Variants in ATF7IP observed in about 807,000 individuals in gnomAD.
The protein encoded by ATF7IP is activating transcription factor 7 interacting protein.
Under a neutral mutation model 106.4 loss-of-function variants are expected in ATF7IP, and 23 were observed. That is an observed-to-expected ratio of 0.22 (90% CI 0.16 to 0.31). The LOEUF (loss-of-function observed/expected upper bound fraction) is 0.31. Among genes scored for constraint, ATF7IP ranks in the 10% least tolerant of loss-of-function variants. ATF7IP has a pLI of 1.00. For synonymous variants in ATF7IP, 542 were observed against 539.0 expected (o/e 1.01, Z -0.08); for missense variants, 1,334 against 1,524.3 (o/e 0.88, Z 2.08).
Position 14,460,898 on chromosome 12 carries a change from T to G in ATF7IP, c.2562T>G (p.Ser854Arg), listed in dbSNP as rs775317636. The G allele has an allele frequency of 6.8e-6, 11 of 1,614,056 alleles. No individual in the cohort carries two copies. The highest frequency in any genetic ancestry group is 9.3e-6 in the Non-Finnish European group (11 of 1,180,040). ...ACGTTCCTTCTGTGCCCAGTCCTAG[T>G]ATTCAAAGGAACCCTACTGCCAGTG... Reference protein sequence around the residue: ...PNNVPSVPSPSIQRNPTASAA... With the variant: ...PNNVPSVPSPRIQRNPTASAA... The change falls in exon 9 of 15, where the codon AGT becomes AGG. Residue 854 changes from serine to arginine, a missense_variant. Around this residue, in one of 10 missense-constraint regions of ATF7IP, gnomAD observed 370 missense variants for 401.2 expected, o/e 0.92. Coordinates refer to ENST00000261168, the MANE Select transcript of ATF7IP (RefSeq NM_018179.5).
intron 1 of ATF7IP, among the ~76,000 whole-genome samples, chr12:14,370,571 A>C (rs1938491227): frequency 6.6e-6 from 1 of 152,150 alleles, no homozygotes; most frequent in African/African-American, 2.4e-5. Context: ...TTAAATTTAC[A>C]TTGGGTGAAT....
intron 10 of ATF7IP, among the ~76,000 whole-genome samples, chr12:14,473,479 T>C (rs1241603783): frequency 1.3e-5 from 2 of 152,184 alleles, no homozygotes; most frequent in Admixed American, 6.5e-5. Flanking sequence ...TGTTTGCACA[T>C]ATATTACATT....
rs377417628 is a variant in ATF7IP at position 14,475,709 on chromosome 12, A to G, written c.2863-181A>G. Among the ~76,000 whole-genome samples the G allele has an allele frequency of 1.3e-5, 2 of 152,212 alleles. 1 individual carries two copies. Among genetic ancestry groups the G allele is most frequent in the Admixed American group, 1.3e-4 (2 of 15,278 alleles). ...ATTATATTTCATATAGTAGATGTTT[A>G]ACACATGAGTATCCTGGGACATTTG... On this transcript the variant is annotated intron_variant, in intron 10 of 14. Transcript: ENST00000261168.
At chr12:14,404,781 A>C (rs1940465131) in intron 1 of ATF7IP, among the ~76,000 whole-genome samples, 1 of 152,198 alleles carries the variant, frequency 6.6e-6, no homozygotes, top group Non-Finnish European at 1.5e-5. Flanking sequence ...TGAGAGCAGA[A>C]GACCATGGGT....
At chr12:14,402,206 C>T (rs1940277163) in intron 1 of ATF7IP, among the ~76,000 whole-genome samples, 1 of 144,404 alleles carries the variant, frequency 6.9e-6, no homozygotes, top group East Asian at 2.1e-4. Context: ...TAGTTCACTG[C>T]AGCCTTAACT....
intron 13 of ATF7IP, among the ~76,000 whole-genome samples, chr12:14,494,333 A>ATATATATATATATATATATATATATGTG (rs1234871100): frequency 1.2e-5 from 1 of 86,038 alleles, no homozygotes; most frequent in Non-Finnish European, 2.3e-5. Context: ...ATATATATAT[A>ATATATATATATATATATATATATATGTG]TGTGTGTGTG....
At chr12:14,427,394 G>T (rs145520323) in intron 2 of ATF7IP, among the ~76,000 whole-genome samples, 1 of 150,250 alleles carries the variant, frequency 6.7e-6, no homozygotes, top group East Asian at 1.9e-4. Context: ...ATGGAGTCTC[G>T]CTCTGTTGCC....
intron 9 of ATF7IP, among the ~76,000 whole-genome samples, chr12:14,461,413 G>A (rs556714669): frequency 9.9e-5 from 15 of 152,064 alleles, no homozygotes; most frequent in African/African-American, 3.4e-4. Flanking sequence ...TTTGTGGCAA[G>A]CATTATGAGT....
intron 10 of ATF7IP, among the ~76,000 whole-genome samples, chr12:14,469,620 A>C (rs570471210): frequency 6.6e-6 from 1 of 152,172 alleles, no homozygotes; most frequent in African/African-American, 2.4e-5. Flanking sequence ...AACATAAGCT[A>C]TAAAATAGTG....
At chr12:14,416,936 A>C in intron 1 of ATF7IP, 3 of 985,312 alleles carry the variant, frequency 3.0e-6, no homozygotes, top group Non-Finnish European at 3.6e-6. Flanking sequence ...GGCTGCAGCA[A>C]GCTCCCTCTT....
At chr12:14,468,444 C>G (rs7977484) in intron 10 of ATF7IP, among the ~76,000 whole-genome samples, 9,871 of 149,570 alleles carry the variant, frequency 0.066, 764 homozygotes, top group African/African-American at 0.19. Flanking sequence ...AGGTCGAAAC[C>G]AACCTGGGCA....
rs1363875555 is a variant in ATF7IP, at chr12:14,499,583, C to T, written c.*1510C>T. Reference sequence around the variant, plus strand: ...TCTTTATTCTCTTTATCGTCCTTCCCATTTTAACCTTTTAACTTTGTTTTG... The same window carrying T: ...TCTTTATTCTCTTTATCGTCCTTCCTATTTTAACCTTTTAACTTTGTTTTG... On this transcript the variant is annotated 3_prime_UTR_variant, in exon 15 of 15. Transcript: ENST00000261168. 6.6e-6 allele frequency: 1 copy of T among 152,206 alleles called. No individual in the cohort carries two copies. The highest frequency in any genetic ancestry group is 1.5e-5 in the Non-Finnish European group (1 of 68,040). The allele number at this position is 152,206 out of a possible 1,614,324, so 9.4% of individuals were successfully genotyped here.
intron 1 of ATF7IP, among the ~76,000 whole-genome samples, chr12:14,382,384 A>G (rs1320335161): frequency 1.3e-5 from 2 of 152,226 alleles, no homozygotes; most frequent in Non-Finnish European, 2.9e-5. Context: ...CTGTGACATT[A>G]TACAGTCAAG....
chr12:14,432,204 T>C (rs1236427085), intron 2 of ATF7IP, among the ~76,000 whole-genome samples: 1 of 152,222 alleles, frequency 6.6e-6, no homozygotes, highest in Non-Finnish European at 1.5e-5. Context: ...GAGCCATGGC[T>C]AATTTTGTGC....
chr12:14,430,924 TG>T (rs1942085682), intron 2 of ATF7IP, among the ~76,000 whole-genome samples: 1 of 152,218 alleles, frequency 6.6e-6, no homozygotes, highest in African/African-American at 2.4e-5. Flanking sequence ...ACAGAGGTCA[TG>T]TGGCCCACAA....
At chr12:14,398,377 A>T (rs1412019157) in intron 1 of ATF7IP, among the ~76,000 whole-genome samples, 1 of 138,668 alleles carries the variant, frequency 7.2e-6, no homozygotes, top group Non-Finnish European at 1.6e-5. Flanking sequence ...ATTTCCTCCT[A>T]CATCTAAAAG....
intron 1 of ATF7IP, among the ~76,000 whole-genome samples, chr12:14,378,105 T>TC (rs200722225): frequency 0.051 from 7,667 of 150,884 alleles, 683 homozygotes; most frequent in African/African-American, 0.18. Context: ...TTTTTCTTTT[T>TC]TTTTTTTTTT....
intron 1 of ATF7IP, among the ~76,000 whole-genome samples, chr12:14,368,103 A>C (rs1331274136): frequency 6.6e-6 from 1 of 152,120 alleles, no homozygotes; most frequent in African/African-American, 2.4e-5. Context: ...TATGTGATAA[A>C]TGTATTTAAA....
chr12:14,424,392 C>T lies in ATF7IP; in HGVS notation c.477C>T (p.Pro159=), dbSNP rs138640294. Reference sequence around the variant, plus strand: ...CTGGTGATTCCACCTCTGGTGATCCCACCTCTAGCGAGCCCTCCTCTAGTG... The same window carrying T: ...CTGGTGATTCCACCTCTGGTGATCCTACCTCTAGCGAGCCCTCCTCTAGTG... The part of the protein sequence containing the change: ...LASGDSTSGD[P]TSSEPSSSDA... Residue 159 remains proline (P), a synonymous_variant, in exon 2 of 15, where the codon CCC becomes CCT. Transcript: ENST00000261168. 7 of 1,613,418 alleles carry T rather than the reference C, an allele frequency of 4.3e-6. No homozygotes were observed. In the African/African-American group the frequency reaches 9.4e-5, roughly 22 times the overall value.
Sources: allele counts gnomAD v4.1 joint callset (sites outside exome capture counted in the v4.1 genomes callset), GRCh38; gene constraint gnomAD v4.1.1; regional missense constraint gnomAD v4.1.1; transcripts MANE v1.5; gene names NCBI Gene and HGNC (gene_info 2026-07-23, HGNC 2026-07-21).